PACS1: variants seen among roughly 807,000 people sequenced by gnomAD.
PACS1 encodes the protein phosphofurin acidic cluster sorting protein 1.
In PACS1, 24 loss-of-function variants were observed where a neutral mutation model predicts 115.0. The ratio of observed to expected loss-of-function variants is 0.21; its 90% CI spans 0.15 to 0.29. PACS1 has a LOEUF of 0.29. Among genes scored for constraint, PACS1 ranks in the 10% least tolerant of loss-of-function variants. The pLI is 1.00. For missense variants in PACS1, 838 were observed against 1,251.2 expected (o/e 0.67, Z 4.98); for synonymous variants, 453 against 504.5 (o/e 0.90, Z 1.37).
intron 8 of PACS1, 42 bp downstream of exon 8, chr11:66,219,847 C>G: frequency 1.4e-6 from 2 of 1,418,510 alleles, no homozygotes; most frequent in Non-Finnish European, 2.0e-6. Context: ...AGTAGAATTC[C>G]CCGGGTTTCA....
At chr11:66,180,302 A>G (rs886379919) in intron 1 of PACS1, among the ~76,000 whole-genome samples, 1 of 152,046 alleles carries the variant, frequency 6.6e-6, no homozygotes, top group African/African-American at 2.4e-5. Flanking sequence ...ATCCAATAAT[A>G]CACAGTCATA....
intron 1 of PACS1, among the ~76,000 whole-genome samples, chr11:66,177,725 C>G (rs1243028434): frequency 6.6e-6 from 1 of 152,156 alleles, no homozygotes; most frequent in Non-Finnish European, 1.5e-5. Flanking sequence ...ATCCTCCCAT[C>G]TCAGCCCTGC....
intron 2 of PACS1, among the ~76,000 whole-genome samples, chr11:66,195,858 C>A (rs1358152233): frequency 6.6e-6 from 1 of 152,220 alleles, no homozygotes; most frequent in Non-Finnish European, 1.5e-5. Context: ...AGGAGATCTG[C>A]AGACCCTGAG....
Position 66,230,831 on chromosome 11 carries a change from G to T in PACS1, c.1517G>T (p.Arg506Leu). Residue 506 changes from arginine (R) to leucine (L), a missense_variant, in exon 13 of 24, where the codon CGG (arginine) becomes CTG (leucine). Arg to Leu is a moderately radical substitution (Grantham distance 102, BLOSUM62 -2). Transcript: ENST00000320580. The part of the protein sequence containing the change: ...PSKVEGVHTP[R>L]QKRSTPLKER... Reference sequence around the variant, plus strand: ...AAAGTGGAGGGGGTGCACACACCCCGGCAGAAGAGGAGCACGCCCCTGAAG... The same window carrying T: ...AAAGTGGAGGGGGTGCACACACCCCTGCAGAAGAGGAGCACGCCCCTGAAG... The T allele has an allele frequency of 2.5e-6, 4 of 1,614,146 alleles. No individual in the cohort carries two copies. The highest frequency in any genetic ancestry group is 3.4e-6 in the Non-Finnish European group (4 of 1,179,990).
intron 1 of PACS1, among the ~76,000 whole-genome samples, chr11:66,176,015 A>G (rs919556622): frequency 6.6e-6 from 1 of 152,164 alleles, no homozygotes. Flanking sequence ...ACCAGTTCCA[A>G]TCTACTCCAC....
At chr11:66,225,754 C>T (rs972621540) in intron 10 of PACS1, among the ~76,000 whole-genome samples, 2 of 152,198 alleles carry the variant, frequency 1.3e-5, no homozygotes, top group Non-Finnish European at 2.9e-5. Flanking sequence ...CCTGTGTTAT[C>T]ACCCAGTTCA....
At chr11:66,223,074 A>C (rs573555835) in intron 10 of PACS1, among the ~76,000 whole-genome samples, 3 of 151,946 alleles carry the variant, frequency 2.0e-5, no homozygotes, top group South Asian at 4.2e-4. Context: ...AAAAAAAAAA[A>C]AAAACTCTTT....
chr11:66,117,028 G>A (rs906589354), intron 1 of PACS1, among the ~76,000 whole-genome samples: 1 of 152,032 alleles, frequency 6.6e-6, no homozygotes, highest in African/African-American at 2.4e-5. Context: ...GAAGAAGACA[G>A]GAAGTGTCAG....
chr11:66,242,729 G>T (rs956722440), intron 22 of PACS1, among the ~76,000 whole-genome samples, 183 bp from the exon 23 acceptor site: 1 of 152,156 alleles, frequency 6.6e-6, no homozygotes, highest in African/African-American at 2.4e-5. Flanking sequence ...AAAGTCACCA[G>T]CCCAGTGCTG....
chr11:66,114,182 G>T (rs1858252732), intron 1 of PACS1, among the ~76,000 whole-genome samples: 1 of 152,088 alleles, frequency 6.6e-6, no homozygotes. Flanking sequence ...ACTTTGGGAG[G>T]CCGAGGCGGG....
At chr11:66,085,800 A>G (rs911432026) in intron 1 of PACS1, among the ~76,000 whole-genome samples, 2 of 152,256 alleles carry the variant, frequency 1.3e-5, no homozygotes, top group African/African-American at 4.8e-5. Context: ...TAAAAGGAAC[A>G]TTATGGTAAT....
Position 66,070,776 on chromosome 11 carries a change from C to T in PACS1, c.290C>T (p.Ala97Val). The change falls in exon 1 of 24, where the codon GCC becomes GTC. Residue 97 changes from alanine to valine, a missense_variant. Physicochemically the swap from Ala to Val is moderately conservative, Grantham distance 64 (BLOSUM62 0). Around this residue, in one of 6 missense-constraint regions of PACS1, gnomAD observed 129 missense variants for 109.4 expected, o/e 1.18. Coordinates refer to ENST00000320580, the MANE Select transcript of PACS1 (RefSeq NM_018026.4). The surrounding 1 kb of genome is among the most constrained non-coding windows in gnomAD (Gnocchi z 5.9). The stretch of plus-strand genomic sequence containing the variant: ...GGCCCGGGGCCAGGCCGCACCCCCG[C>T]CCCGGTGCAGATGAACCTGTACGCC... Reference protein sequence around the residue: ...PGGPGPGRTPAPVQMNLYATW... With the variant: ...PGGPGPGRTPVPVQMNLYATW... The T allele has an allele frequency of 6.5e-7, 1 of 1,533,832 alleles. No homozygotes were observed. The highest frequency in any genetic ancestry group is 8.7e-7 in the Non-Finnish European group (1 of 1,147,262).
chr11:66,139,594 C>T (rs1255277010), intron 1 of PACS1, among the ~76,000 whole-genome samples: 1 of 151,064 alleles, frequency 6.6e-6, no homozygotes, highest in Non-Finnish European at 1.5e-5. Context: ...TAAGTGAGAA[C>T]ATGTGAAGTT....
chr11:66,118,331 G>A (rs56314482), intron 1 of PACS1, among the ~76,000 whole-genome samples: 27,380 of 152,238 alleles, frequency 0.18, 3,164 homozygotes, highest in East Asian at 0.38. Context: ...CCAGCCAGGG[G>A]CCGGGCGCTG....
chr11:66,195,121 G>A (rs1151537), intron 2 of PACS1, among the ~76,000 whole-genome samples: 60,579 of 152,044 alleles, frequency 0.4, 13,128 homozygotes, highest in Non-Finnish European at 0.48. Flanking sequence ...GGCTGAGGCA[G>A]GAGAATTGCT....
Position 66,243,630 on chromosome 11 carries a change from C to T in PACS1, c.*350C>T, listed in dbSNP as rs1250547284. On this transcript the variant is annotated 3_prime_UTR_variant, in exon 24 of 24. Transcript: ENST00000320580. ...TTCCTTGTGGTATCAGTTTCCTTCT[C>T]GGAAATGAGAAAGCTGGAATCCTGG... 5 of 216,868 alleles carry T rather than the reference C, an allele frequency of 2.3e-5. No homozygotes were observed. In the East Asian group the frequency reaches 3.2e-4, roughly 14 times the overall value. 13.4% of individuals were successfully genotyped at this position (216,868 alleles called of 1,614,324 possible).
intron 1 of PACS1, among the ~76,000 whole-genome samples, chr11:66,083,330 T>C (rs1054918066): frequency 6.6e-6 from 1 of 152,202 alleles, no homozygotes; most frequent in African/African-American, 2.4e-5. Flanking sequence ...TAAACGCATG[T>C]AATGTCATTA....
chr11:66,187,532 T>G (rs989211911), intron 1 of PACS1, among the ~76,000 whole-genome samples: 1 of 152,206 alleles, frequency 6.6e-6, no homozygotes, highest in East Asian at 1.9e-4. Context: ...CTTTTTTAGC[T>G]TCCATGTGTG....
At chr11:66,204,753 A>G (rs1854893773) in intron 2 of PACS1, among the ~76,000 whole-genome samples, 1 of 152,158 alleles carries the variant, frequency 6.6e-6, no homozygotes, top group South Asian at 2.1e-4. Flanking sequence ...TAAAAATTAA[A>G]GTCATGGAGA....
Sources: gnomAD v4.1 joint callset for allele counts (sites outside exome capture counted in the v4.1 genomes callset) on GRCh38, gnomAD v4.1.1 for gene constraint, gnomAD v4.1.1 regional missense constraint, Gnocchi (gnomAD v3.1) non-coding constraint, MANE v1.5 for transcripts, NCBI Gene and HGNC (gene_info 2026-07-23, HGNC 2026-07-21) for gene names.